Variants in DNAH7 observed in about 807,000 individuals in gnomAD.
The protein encoded by DNAH7 is dynein axonemal heavy chain 7.
DNAH7 carries 397 observed loss-of-function variants against 444.6 expected under a neutral mutation model. The ratio of observed to expected loss-of-function variants is 0.89; its 90% confidence interval spans 0.82 to 0.97. DNAH7 has a LOEUF of 0.97. DNAH7 is among the 50% of genes least tolerant of loss of function. The pLI is 0.00. For missense variants in DNAH7, 4,902 were observed against 4,800.8 expected, an observed-to-expected ratio of 1.02 and a Z score of -0.62; for synonymous variants, 1,636 against 1,624.4, an observed-to-expected ratio of 1.01 and a Z score of -0.17.
intron 12 of DNAH7, chr2:195,998,865 T>C (rs886752300): frequency 5.0e-5 from 21 of 422,260 alleles, no homozygotes; most frequent in South Asian, 6.8e-5. Flanking sequence ...GACTTTATCT[T>C]TTATAACGTA....
intron 63 of DNAH7, among the ~76,000 whole-genome samples, chr2:195,745,624 AAAGGG>A (rs1471796053): frequency 2.0e-5 from 3 of 152,266 alleles, no homozygotes; most frequent in African/African-American, 7.2e-5. Flanking sequence ...GGTTACCCAC[AAAGGG>A]AAGCCCATCA....
intron 64 of DNAH7, among the ~76,000 whole-genome samples, 149 bp downstream of exon 64, chr2:195,740,599 GTGTGTGTGTGTGTGTGTA>G (rs1256752197): frequency 4.0e-4 from 14 of 34,846 alleles, no homozygotes; most frequent in African/African-American, 8.5e-4. Flanking sequence ...GTGTGTGTGT[GTGTGTGTGTGTGTGTGTA>G]TATATATATA....
intron 3 of DNAH7, among the ~76,000 whole-genome samples, chr2:196,048,633 C>T (rs771918106): frequency 3.9e-5 from 6 of 152,144 alleles, no homozygotes; most frequent in Admixed American, 2.6e-4. Context: ...ATGCCTGTTA[C>T]CTAAAACCAG....
intron 19 of DNAH7, among the ~76,000 whole-genome samples, chr2:195,938,719 T>A (rs992952745): frequency 6.6e-6 from 1 of 152,142 alleles, no homozygotes; most frequent in East Asian, 1.9e-4. Context: ...TCAGGTAAAC[T>A]TTTTTTATTA....
intron 13 of DNAH7, 93 bp from the exon 14 acceptor site, chr2:195,987,286 G>A (rs553879683): frequency 2.2e-6 from 2 of 918,164 alleles, no homozygotes; most frequent in South Asian, 4.7e-5. Flanking sequence ...ATTTTTGTGT[G>A]TGATGTAACA....
chr2:195,931,223 T>C (rs1303519141), intron 21 of DNAH7, among the ~76,000 whole-genome samples: 1 of 152,230 alleles, frequency 6.6e-6, no homozygotes, highest in Non-Finnish European at 1.5e-5. Flanking sequence ...CATAAATGTC[T>C]TCTTTTGAGA....
chr2:195,877,402 C>A (rs577668632), intron 36 of DNAH7, among the ~76,000 whole-genome samples: 1 of 152,266 alleles, frequency 6.6e-6, no homozygotes, highest in African/African-American at 2.4e-5. Flanking sequence ...GGAAGGGAAA[C>A]GGTAAAGTTT....
chr2:195,938,844 A>G (rs1436740687), intron 19 of DNAH7, among the ~76,000 whole-genome samples: 1 of 152,158 alleles, frequency 6.6e-6, no homozygotes, highest in African/African-American at 2.4e-5. Flanking sequence ...TATGGATTTA[A>G]GATTTTAAAA....
At chr2:195,769,835 T>G (rs1380506661) in intron 61 of DNAH7, among the ~76,000 whole-genome samples, 1 of 152,168 alleles carries the variant, frequency 6.6e-6, no homozygotes, top group Non-Finnish European at 1.5e-5. Flanking sequence ...ACATTTTATT[T>G]TCAAATATAA....
chr2:195,807,600 A>T (rs1311872589), intron 53 of DNAH7, among the ~76,000 whole-genome samples: 2 of 152,210 alleles, frequency 1.3e-5, no homozygotes, highest in Non-Finnish European at 2.9e-5. Context: ...CTGTTTTATA[A>T]AGGAAGACTT....
At position 195,945,125 on chromosome 2, in the gene DNAH7, A is replaced by G. The variant is rs561669464; in HGVS notation, c.3079-8333T>C. On this transcript the variant is annotated intron_variant, in intron 19 of 64. Transcript: ENST00000312428. The stretch of plus-strand genomic sequence containing the variant: ...TAGATCTCATACTTGAGGTTCTGGT[A>G]TAGTTTATTCAAGTTCAGTGCAGAA... 6.6e-4 allele frequency among the ~76,000 whole-genome samples: 100 copies of G among 152,218 alleles called. 1 individual carries two copies. The highest frequency in any genetic ancestry group is 1.3e-3 in the African/African-American group (52 of 41,558).
At chr2:195,740,652 C>T (rs9679468) in intron 64 of DNAH7, 114 bp downstream of exon 64, 688 of 45,144 alleles carry the variant, frequency 0.015, 8 homozygotes, top group Non-Finnish European at 0.029. Flanking sequence ...TATACATATA[C>T]ACACACACAT....
At chr2:195,825,696 A>C (rs1342973286) in intron 48 of DNAH7, among the ~76,000 whole-genome samples, 1 of 152,178 alleles carries the variant, frequency 6.6e-6, no homozygotes, top group Non-Finnish European at 1.5e-5. Context: ...AAAGTCTTAC[A>C]TTTTGGTGTT....
intron 12 of DNAH7, among the ~76,000 whole-genome samples, chr2:195,989,824 T>TC (rs1693180747): frequency 6.6e-6 from 1 of 152,160 alleles, no homozygotes; most frequent in Non-Finnish European, 1.5e-5. Context: ...AGACACCTGT[T>TC]CCCTCTTCAC....
At chr2:196,044,201 A>ATG (rs150739697) in intron 5 of DNAH7, among the ~76,000 whole-genome samples, 65,994 of 131,916 alleles carry the variant, frequency 0.5, 16,997 homozygotes, top group Non-Finnish European at 0.58. Flanking sequence ...ATATATATAT[A>ATG]TATGTGTGTG....
chr2:195,997,919 G>A (rs1693798206), intron 12 of DNAH7, among the ~76,000 whole-genome samples: 1 of 152,142 alleles, frequency 6.6e-6, no homozygotes, highest in Non-Finnish European at 1.5e-5. Flanking sequence ...GGACAATGGT[G>A]AGTGGTGATG....
chr2:195,923,924 T>C (rs1688178961), intron 22 of DNAH7, 117 bp from the exon 23 acceptor site: 5 of 944,518 alleles, frequency 5.3e-6, no homozygotes. Flanking sequence ...CAACTTTCCA[T>C]GTAATACAAT....
Position 195,884,763 on chromosome 2 carries a change from G to C in DNAH7, c.5585C>G (p.Thr1862Arg), listed in dbSNP as rs1430897606. 7 of 1,613,918 alleles carry C rather than the reference G, an allele frequency of 4.3e-6. No individual in the cohort carries two copies. Among genetic ancestry groups the C allele is most frequent in the South Asian group, 1.1e-5 (1 of 91,074 alleles). The change falls in exon 35 of 65, where the codon ACA becomes AGA. Residue 1862 changes from threonine (T) to arginine (R), a missense_variant. Transcript: ENST00000312428. The part of the protein sequence containing the change: ...SLIWSVGASC[T>R]DDDRLKFNKI... ...ATTAAATTTCAATCGATCATCATCT[G>C]TACAAGAAGCACCAACGGACCAGAT... is the stretch of plus-strand genomic sequence containing the variant.
At chr2:195,989,568 T>C (rs1006570587) in intron 12 of DNAH7, among the ~76,000 whole-genome samples, 2 of 152,242 alleles carry the variant, frequency 1.3e-5, no homozygotes, top group African/African-American at 4.8e-5. Context: ...TTTTATATTC[T>C]GAATATTAAC....
Sources: gnomAD v4.1 joint callset for allele counts (sites outside exome capture counted in the v4.1 genomes callset) on GRCh38, gnomAD v4.1.1 for gene constraint, MANE v1.5 for transcripts, NCBI Gene and HGNC (gene_info 2026-07-23, HGNC 2026-07-21) for gene names.